GEMIN7: variants seen among roughly 807,000 people sequenced by gnomAD.
GEMIN7 encodes the protein gem nuclear organelle associated protein 7.
A neutral mutation model predicts 7.8 loss-of-function variants in GEMIN7; 7 were observed. The ratio of observed to expected loss-of-function variants is 0.90; its 90% CI spans 0.51 to 1.69. The LOEUF is 1.69. Among genes scored for constraint, GEMIN7 ranks in the 40% most tolerant of loss-of-function variants. The pLI is 0.00. For missense variants in GEMIN7, 159 were observed against 176.2 expected (o/e 0.90, Z 0.55); for synonymous variants, 68 against 72.4 (o/e 0.94, Z 0.31).
intron 2 of GEMIN7, among the ~76,000 whole-genome samples, chr19:45,087,674 A>T (rs1270143216): frequency 6.6e-6 from 1 of 152,094 alleles, no homozygotes; most frequent in Non-Finnish European, 1.5e-5. Context: ...GTACACCACG[A>T]GGGTGCCGGC....
chr19:45,089,083 A>T (rs2122685847), intron 2 of GEMIN7, among the ~76,000 whole-genome samples: 1 of 152,084 alleles, frequency 6.6e-6, no homozygotes, highest in South Asian at 2.1e-4. Flanking sequence ...CTGGGACTAC[A>T]GGCGCATGAC....
At chr19:45,076,278 G>C (rs747879839), upstream of GEMIN7, 24 of 1,484,446 alleles carry the variant, frequency 1.6e-5, no homozygotes, top group Non-Finnish European at 2.1e-5. This position sits in a 1 kb window ranked among gnomAD's most constrained non-coding sequence, Gnocchi z 4.9. Flanking sequence ...GCTTGAGTTC[G>C]ATGACGAGGT....
At chr19:45,076,335 T>C (rs1217632865), upstream of GEMIN7, 9 of 1,378,648 alleles carry the variant, frequency 6.5e-6, no homozygotes, top group African/African-American at 9.0e-5. The surrounding 1 kb of genome is among the most constrained non-coding windows in gnomAD (Gnocchi z 4.9). Context: ...GCGCGGGCTC[T>C]ACTCGGCGGG....
At chr19:45,076,163 C>A, upstream of GEMIN7, 1 of 1,533,188 alleles carries the variant, frequency 6.5e-7, no homozygotes, top group South Asian at 1.3e-5. The surrounding 1 kb of genome is among the most constrained non-coding windows in gnomAD (Gnocchi z 4.9). Flanking sequence ...GGCATGGGGC[C>A]AGGGGAGTGG....
At chr19:45,076,106 G>C (rs1283372676), upstream of GEMIN7, 1 of 1,575,504 alleles carries the variant, frequency 6.3e-7, no homozygotes, top group South Asian at 1.2e-5. This position sits in a 1 kb window ranked among gnomAD's most constrained non-coding sequence, Gnocchi z 4.9. Flanking sequence ...GGCGTCCACA[G>C]GGTCCACGGG....
intron 2 of GEMIN7, among the ~76,000 whole-genome samples, chr19:45,080,767 T>G (rs924360541): frequency 3.2e-5 from 4 of 123,966 alleles, no homozygotes; most frequent in African/African-American, 1.0e-4. Flanking sequence ...TGTTTTTTGT[T>G]TTTTTTTTTT....
intron 2 of GEMIN7, among the ~76,000 whole-genome samples, chr19:45,081,452 G>A (rs1244275758): frequency 1.8e-4 from 26 of 142,938 alleles, no homozygotes; most frequent in African/African-American, 3.2e-4. Flanking sequence ...GTGAGACTCC[G>A]TCTTAAAAAA....
At chr19:45,080,768 T>G (rs1460577823) in intron 2 of GEMIN7, among the ~76,000 whole-genome samples, 2 of 149,384 alleles carry the variant, frequency 1.3e-5, no homozygotes, top group Non-Finnish European at 3.0e-5. Flanking sequence ...GTTTTTTGTT[T>G]TTTTTTTTTT....
intron 2 of GEMIN7, among the ~76,000 whole-genome samples, chr19:45,084,493 C>T (rs1967612015): frequency 6.6e-6 from 1 of 152,146 alleles, no homozygotes; most frequent in South Asian, 2.1e-4. Context: ...GCCTCTGGCT[C>T]ACGGGTTCAA....
intron 2 of GEMIN7, 27 bp from the exon 3 acceptor site, chr19:45,090,079 CT>C (rs1367252320): frequency 1.3e-6 from 2 of 1,581,726 alleles, no homozygotes; most frequent in Non-Finnish European, 1.7e-6. Context: ...CATGTAATGA[CT>C]TCCTGCTCTT....
chr19:45,078,505 C>T (rs1324167162), upstream of GEMIN7, among the ~76,000 whole-genome samples: 1 of 152,208 alleles, frequency 6.6e-6, no homozygotes, highest in African/African-American at 2.4e-5. Context: ...TTCTAGGAGG[C>T]AGGATGGGAG....
At chr19:45,080,678 C>T (rs1433947017) in intron 2 of GEMIN7, among the ~76,000 whole-genome samples, 1 of 151,928 alleles carries the variant, frequency 6.6e-6, no homozygotes, top group Non-Finnish European at 1.5e-5. Flanking sequence ...TGCACCCAGC[C>T]CGAGGAAAGA....
chr19:45,089,850 A>G (rs556539568), intron 2 of GEMIN7, among the ~76,000 whole-genome samples: 34 of 152,324 alleles, frequency 2.2e-4, no homozygotes, highest in Middle Eastern at 3.4e-3. Flanking sequence ...TTTATTGCCT[A>G]TAAGTTGAGA....
At position 45,090,418 on chromosome 19, in the gene GEMIN7, T is replaced by G. The variant is rs202048648; in HGVS notation, c.304T>G (p.Phe102Val). 2.2e-5 allele frequency: 36 copies of G among 1,614,158 alleles called. No individual in the cohort carries two copies. The highest frequency in any genetic ancestry group is 4.4e-5 in the South Asian group (4 of 91,086). ...FGATDLDVAN[F>V]YVSQLQTPIG... ...AGCCACCGACCTGGATGTGGCCAAC[T>G]TCTACGTGTCACAGCTGCAGACTCC... is the stretch of plus-strand genomic sequence containing the variant. The change falls in exon 3 of 3, where the codon TTC becomes GTC. Residue 102 changes from phenylalanine to valine, a missense_variant. By Grantham distance (50) the Phe-to-Val change is conservative. Transcript: ENST00000270257.
chr19:45,080,589 G>A (rs1198170871), intron 2 of GEMIN7, among the ~76,000 whole-genome samples: 1 of 151,954 alleles, frequency 6.6e-6, no homozygotes, highest in Non-Finnish European at 1.5e-5. Flanking sequence ...ATGTTAGCCA[G>A]GCTGGTCTTA....
At chr19:45,082,237 C>T (rs192778609) in intron 2 of GEMIN7, among the ~76,000 whole-genome samples, 24 of 152,328 alleles carry the variant, frequency 1.6e-4, no homozygotes, top group African/African-American at 5.3e-4. Flanking sequence ...GGCCTTGCTA[C>T]GCCCCAAAGC....
upstream of GEMIN7, chr19:45,076,064 C>T (rs1161509452): frequency 1.3e-6 from 2 of 1,579,328 alleles, no homozygotes; most frequent in Non-Finnish European, 8.6e-7. This position sits in a 1 kb window ranked among gnomAD's most constrained non-coding sequence, Gnocchi z 4.9. Flanking sequence ...GCCCAGGGCC[C>T]GGGGTGCTCA....
intron 2 of GEMIN7, among the ~76,000 whole-genome samples, chr19:45,081,618 T>G (rs1019762047): frequency 2.0e-5 from 3 of 151,546 alleles, no homozygotes; most frequent in Admixed American, 2.0e-4. Context: ...TCTTGACCTT[T>G]CTTTTTTTGT....
chr19:45,082,685 T>G (rs774833009), intron 2 of GEMIN7, among the ~76,000 whole-genome samples: 1 of 152,014 alleles, frequency 6.6e-6, no homozygotes, highest in Non-Finnish European at 1.5e-5. Context: ...GTGGCACAGT[T>G]ATGGCTCACT....
Sources: allele counts gnomAD v4.1 joint callset (sites outside exome capture counted in the v4.1 genomes callset), GRCh38; gene constraint gnomAD v4.1.1; non-coding constraint Gnocchi (gnomAD v3.1); transcripts MANE v1.5; gene names NCBI Gene and HGNC (gene_info 2026-07-23, HGNC 2026-07-21).